FGF10: variants seen among roughly 807,000 people sequenced by gnomAD.
FGF10 encodes the protein fibroblast growth factor 10.
Under a neutral mutation model 19.8 loss-of-function variants are expected in FGF10, and 2 were observed. That is an observed-to-expected ratio of 0.10 (90% CI 0.04 to 0.32). The LOEUF (loss-of-function observed/expected upper bound fraction) is 0.32, where lower values mean the gene tolerates loss of function less well. Ranked by LOEUF, FGF10 falls within the 10% of genes least tolerant of loss-of-function variation. The pLI is 1.00. For synonymous variants in FGF10, 112 were observed against 94.0 expected (o/e 1.19, Z -1.10); for missense variants, 191 against 246.3 (o/e 0.78, Z 1.50).
chr5:44,334,801 T>C (rs1389274085), intron 1 of FGF10, among the ~76,000 whole-genome samples: 1 of 152,102 alleles, frequency 6.6e-6, no homozygotes, highest in Non-Finnish European at 1.5e-5. Context: ...CTGACATTGT[T>C]TAGTCAGCTG....
At chr5:44,334,957 C>T (rs1740814324) in intron 1 of FGF10, among the ~76,000 whole-genome samples, 1 of 152,112 alleles carries the variant, frequency 6.6e-6, no homozygotes, top group Non-Finnish European at 1.5e-5. Context: ...CTTAATCATT[C>T]TCACTTGAAC....
intron 1 of FGF10, among the ~76,000 whole-genome samples, chr5:44,371,105 G>A (rs1741732002): frequency 6.6e-6 from 1 of 152,032 alleles, no homozygotes; most frequent in Non-Finnish European, 1.5e-5. Context: ...GGAACCAAAA[G>A]GTGATTGGTT....
chr5:44,366,903 G>A (rs998355793), intron 1 of FGF10, among the ~76,000 whole-genome samples: 1 of 151,926 alleles, frequency 6.6e-6, no homozygotes, highest in Admixed American at 6.6e-5. Flanking sequence ...ACTATGGGAA[G>A]ATTAAATAAA....
At chr5:44,338,788 TTC>T (rs1201192555) in intron 1 of FGF10, among the ~76,000 whole-genome samples, 1 of 152,240 alleles carries the variant, frequency 6.6e-6, no homozygotes, top group Non-Finnish European at 1.5e-5. Flanking sequence ...GATTAATTTG[TTC>T]TGTTTTAAGT....
intron 1 of FGF10, among the ~76,000 whole-genome samples, chr5:44,328,941 G>T (rs530947718): frequency 3.9e-4 from 59 of 152,136 alleles, no homozygotes; most frequent in Non-Finnish European, 7.1e-4. Flanking sequence ...AAGCTGCAGT[G>T]AGCCACGATT....
chr5:44,355,091 C>A (rs182255500), intron 1 of FGF10, among the ~76,000 whole-genome samples: 11 of 151,408 alleles, frequency 7.3e-5, no homozygotes, highest in Admixed American at 2.6e-4. Flanking sequence ...GAACTATGGT[C>A]TAAAAGCCAT....
rs575395893 is a variant in FGF10 at position 44,336,771 on chromosome 5, A to C, written c.326-26241T>G. Among the ~76,000 whole-genome samples, 15 of 152,312 alleles carry C rather than the reference A, an allele frequency of 9.8e-5. No homozygotes were observed. In the South Asian group the frequency reaches 3.1e-3, roughly 32 times the overall value. The stretch of plus-strand genomic sequence containing the variant: ...GTATATAGAAGAATGATAAAAGAAT[A>C]TGGTAAAATGACAGTTACTTTTATT... On this transcript the variant is annotated intron_variant, in intron 1 of 2. Transcript: ENST00000264664.
chr5:44,353,316 G>GT (rs1189595432), intron 1 of FGF10, among the ~76,000 whole-genome samples: 3 of 151,348 alleles, frequency 2.0e-5, no homozygotes, highest in Non-Finnish European at 3.0e-5. Context: ...GCTGTGCTTT[G>GT]TTTTTTTGTT....
At chr5:44,388,290 G>T (rs927001644) in intron 1 of FGF10, 68 bp downstream of exon 1, 1 of 1,468,238 alleles carries the variant, frequency 6.8e-7, no homozygotes, top group Admixed American at 1.7e-5. Context: ...ATCTGGAACA[G>T]ATTTTTCCCC....
At chr5:44,377,722 T>A (rs1741897098) in intron 1 of FGF10, among the ~76,000 whole-genome samples, 1 of 152,252 alleles carries the variant, frequency 6.6e-6, no homozygotes, top group Non-Finnish European at 1.5e-5. Flanking sequence ...TTTCAGATTT[T>A]GGAATTTTCA....
At chr5:44,337,050 T>A (rs568646469) in intron 1 of FGF10, among the ~76,000 whole-genome samples, 2 of 152,292 alleles carry the variant, frequency 1.3e-5, no homozygotes, top group East Asian at 3.9e-4. Context: ...AGAGTACCAC[T>A]ATTTCTGCCA....
chr5:44,355,853 C>T (rs1741335401), intron 1 of FGF10, among the ~76,000 whole-genome samples: 1 of 151,394 alleles, frequency 6.6e-6, no homozygotes, highest in South Asian at 2.1e-4. Flanking sequence ...CTAAGTGGTA[C>T]TGTGGGTCAA....
In FGF10 at chr5:44,344,165, CAG is replaced by C. The variant is rs530249901; in HGVS notation, c.326-33637_326-33636del. Among the ~76,000 whole-genome samples, 42 of 152,006 alleles carry C rather than the reference CAG, an allele frequency of 2.8e-4. No homozygotes were observed. In the South Asian group the frequency reaches 2.9e-3, roughly 11 times the overall value. On this transcript the variant is annotated intron_variant, in intron 1 of 2. Transcript: ENST00000264664. ...CAAGCAAAGAGACGTCCATAGAGAA[CAG>C]AGAGACAGGTGAGACTGAAAACACA...
intron 1 of FGF10, among the ~76,000 whole-genome samples, chr5:44,354,901 G>C (rs1161318525): frequency 6.6e-6 from 1 of 151,560 alleles, no homozygotes; most frequent in East Asian, 2.0e-4. Flanking sequence ...ATGCAGCTTC[G>C]ATCAGATCTT....
chr5:44,372,218 T>C (rs1741756972), intron 1 of FGF10, among the ~76,000 whole-genome samples: 1 of 152,138 alleles, frequency 6.6e-6, no homozygotes, highest in Non-Finnish European at 1.5e-5. Context: ...CAGCTTCTGG[T>C]GCCACATTCC....
At chr5:44,351,123 T>A (rs1200181614) in intron 1 of FGF10, among the ~76,000 whole-genome samples, 2 of 151,660 alleles carry the variant, frequency 1.3e-5, no homozygotes, top group Non-Finnish European at 3.0e-5. Flanking sequence ...TGTCTAAAAA[T>A]ACTCTTATTC....
chr5:44,355,163 G>A (rs775224159), intron 1 of FGF10, among the ~76,000 whole-genome samples: 1 of 151,342 alleles, frequency 6.6e-6, no homozygotes, highest in Non-Finnish European at 1.5e-5. Context: ...GGAAAAATGG[G>A]GTAGGAAAGA....
chr5:44,314,306 G>A (rs1561198154), intron 1 of FGF10, among the ~76,000 whole-genome samples: 1 of 151,902 alleles, frequency 6.6e-6, no homozygotes, highest in Non-Finnish European at 1.5e-5. Flanking sequence ...TAAGAATTTT[G>A]GCAACTAGGA....
chr5:44,388,620 G>A lies in FGF10; in HGVS notation c.63C>T (p.Cys21=), dbSNP rs1742167714. Residue 21 remains cysteine (C), a synonymous_variant, in exon 1 of 3, where the codon TGC becomes TGT. Transcript: ENST00000264664. ...CCAAGAACAGCAACAAAAAGCAGCAGCAGCAGCAGCCGGGCAGGTGGGGAA... is the reference window on the plus strand; with the variant it reads ...CCAAGAACAGCAACAAAAAGCAGCAACAGCAGCAGCCGGGCAGGTGGGGAA... ...SAFPHLPGCC[C]CCFLLLFLVS... 6.2e-7 allele frequency: 1 copy of A among 1,614,124 alleles called. No individual in the cohort carries two copies. Among genetic ancestry groups the A allele is most frequent in the South Asian group, 1.1e-5 (1 of 91,078 alleles).
Sources: gnomAD v4.1 joint callset for allele counts (sites outside exome capture counted in the v4.1 genomes callset) on GRCh38, gnomAD v4.1.1 for gene constraint, MANE v1.5 for transcripts, NCBI Gene and HGNC (gene_info 2026-07-23, HGNC 2026-07-21) for gene names.